AARS2: variants seen among roughly 807,000 people sequenced by gnomAD.
The protein encoded by AARS2 is alanyl-tRNA synthetase 2, mitochondrial, also known as alanine--tRNA ligase, mitochondrial.
In AARS2, 78 loss-of-function variants were observed where a neutral mutation model predicts 119.7. The ratio of observed to expected loss-of-function variants is 0.65; its 90% CI spans 0.54 to 0.79. The LOEUF (loss-of-function observed/expected upper bound fraction) is 0.79, where lower values mean the gene tolerates loss of function less well. Ranked by LOEUF, AARS2 falls within the 30% of genes least tolerant of loss-of-function variation. The pLI is 0.00. For missense variants in AARS2, 1,157 were observed against 1,291.3 expected (o/e 0.90, Z 1.59); for synonymous variants, 502 against 526.3 (o/e 0.95, Z 0.63).
chr6:44,304,629 T>C lies in AARS2; in HGVS notation c.1752+16A>G. ...GCCGCCCACAGAAATCAGCCTGGGT[T>C]GTGATGGAGACTCACCTCTTGCCCT... On this transcript the variant is annotated intron_variant, in intron 12 of 21. Transcript: ENST00000244571. The C allele has an allele frequency of 1.2e-6, 2 of 1,614,130 alleles. No homozygotes were observed. The highest frequency in any genetic ancestry group is 1.3e-5 in the African/African-American group (1 of 75,012).
chr6:44,309,912 C>T (rs1786200489), intron 5 of AARS2, among the ~76,000 whole-genome samples: 2 of 152,186 alleles, frequency 1.3e-5, no homozygotes, highest in Admixed American at 1.3e-4. Context: ...GTTACTTTCA[C>T]CCATGTTTAC....
At chr6:44,301,582 A>G in intron 19 of AARS2, 118 bp from the exon 20 acceptor site, 1 of 991,426 alleles carries the variant, frequency 1.0e-6, no homozygotes. Flanking sequence ...CCACCCCAAA[A>G]GTCATTAGCT....
In AARS2 at chr6:44,310,834, A is replaced by G. The variant is rs574493928; in HGVS notation, c.749+160T>C. On this transcript the variant is annotated intron_variant, in intron 4 of 21. Coordinates refer to ENST00000244571, the MANE Select transcript of AARS2 (RefSeq NM_020745.4). ...TAAGCTGTCACAGGCAAAGACTACA[A>G]TTAAATCAGTTATTATCTATAAGGT... 2.9e-4 allele frequency among the ~76,000 whole-genome samples: 44 copies of G among 152,360 alleles called. No individual in the cohort carries two copies. In the South Asian group the frequency reaches 7.5e-3, roughly 26 times the overall value.
At chr6:44,308,781 T>C (rs1037765247) in intron 5 of AARS2, among the ~76,000 whole-genome samples, 2 of 152,018 alleles carry the variant, frequency 1.3e-5, no homozygotes, top group Non-Finnish European at 2.9e-5. Flanking sequence ...TCTATTTTTT[T>C]AGTAGAGACA....
rs768351915 is a variant in AARS2, at chr6:44,302,059, C to A, written c.2598+1G>T. 1.9e-5 allele frequency: 30 copies of A among 1,613,922 alleles called. No individual in the cohort carries two copies. Among genetic ancestry groups the A allele is most frequent in the Non-Finnish European group, 2.4e-5 (28 of 1,179,996 alleles). On this transcript the variant is annotated splice_donor_variant, in intron 19 of 21. Coordinates refer to ENST00000244571, the MANE Select transcript of AARS2 (RefSeq NM_020745.4). LOFTEE classifies it high-confidence loss of function. ...ATGGGTGCAGCCAAACCTCCTCTCA[C>A]CTGTCCCATTTGCAGCTTACGGATG...
chr6:44,306,632 A>G, intron 7 of AARS2, 100 bp from the exon 8 acceptor site: 4 of 1,381,456 alleles, frequency 2.9e-6, no homozygotes, highest in East Asian at 2.3e-5. Context: ...CTGGAGGCTC[A>G]GACACATTGA....
intron 5 of AARS2, among the ~76,000 whole-genome samples, chr6:44,308,887 C>T (rs535930024): frequency 4.6e-5 from 7 of 152,292 alleles, no homozygotes; most frequent in African/African-American, 1.4e-4. Flanking sequence ...CAGGAGTGAG[C>T]CACCGTGCCC....
rs780343109 is a variant in AARS2, at chr6:44,301,193, GGCTGGGGGCTGAGTAGGAGCACAGACGT to G, written c.2728_2755del (p.Thr910ProfsTer58). On this transcript the variant is annotated frameshift_variant, in exon 21 of 22. Transcript: ENST00000244571. LOFTEE classifies it high-confidence loss of function. ...ACAGGCACACAGCACCTTCCCCATGGGCTGGGGGCTGAGTAGGAGCACAGACGTGCTGGGGGCCTGCTCACACAGCTGC... is the reference window on the plus strand; with the variant it reads ...ACAGGCACACAGCACCTTCCCCATGGGCTGGGGGCCTGCTCACACAGCTGC... 40 of 1,613,716 alleles carry G rather than the reference GGCTGGGGGCTGAGTAGGAGCACAGACGT, an allele frequency of 2.5e-5. No individual in the cohort carries two copies. In the Admixed American group the frequency reaches 4.8e-4, roughly 19 times the overall value.
In AARS2 at chr6:44,305,592, A is replaced by G; in HGVS notation, c.1434+61T>C. 2 of 1,606,164 alleles carry G rather than the reference A, an allele frequency of 1.2e-6. No individual in the cohort carries two copies. The highest frequency in any genetic ancestry group is 8.5e-7 in the Non-Finnish European group (1 of 1,174,726). ...CAATATTCACAGCTCCTCCCCCAGG[A>G]GCTCAGGGCTGGGGAAGAGGTGTCC... On this transcript the variant is annotated intron_variant, in intron 10 of 21. Transcript: ENST00000244571. The surrounding 1 kb of genome is among the most constrained non-coding windows in gnomAD (Gnocchi z 4.6).
intron 7 of AARS2, 89 bp from the exon 8 acceptor site, chr6:44,306,621 C>CTTGTGAGGGGAGT: frequency 3.4e-6 from 5 of 1,463,258 alleles, no homozygotes; most frequent in Non-Finnish European, 4.8e-6. Flanking sequence ...GGACACCTGC[C>CTTGTGAGGGGAGT]CTGGAGGCTC....
At chr6:44,304,136 T>C (rs78610788) in intron 14 of AARS2, 45 bp downstream of exon 14, 1 of 1,611,146 alleles carries the variant, frequency 6.2e-7, no homozygotes, top group Non-Finnish European at 8.5e-7. Flanking sequence ...CTCTCTTTTA[T>C]GCCTGTCACC....
intron 2 of AARS2, 40 bp from the exon 3 acceptor site, chr6:44,311,575 G>A (rs763191079): frequency 2.5e-6 from 4 of 1,610,274 alleles, no homozygotes; most frequent in Non-Finnish European, 3.4e-6. Context: ...GGGAAGACGG[G>A]TGAGAGGGAG....
chr6:44,311,539 C>A lies in AARS2; in HGVS notation c.436-4G>T, dbSNP rs750609705. 3.2e-5 allele frequency: 52 copies of A among 1,612,092 alleles called. No individual in the cohort carries two copies. The Middle Eastern group carries it at 5.0e-4, about 16-fold the overall frequency. Reference sequence around the variant, plus strand: ...AGGCCATGTTACAAGCCTCCTCCTGCAGCAGAAACCAGCATGGGGTGGGGG... The same window carrying A: ...AGGCCATGTTACAAGCCTCCTCCTGAAGCAGAAACCAGCATGGGGTGGGGG... On this transcript the variant is annotated splice_region_variant and splice_polypyrimidine_tract_variant and intron_variant, in intron 2 of 21. Coordinates refer to ENST00000244571, the MANE Select transcript of AARS2 (RefSeq NM_020745.4).
intron 21 of AARS2, 139 bp from the exon 22 acceptor site, chr6:44,300,850 G>A (rs1785294103): frequency 1.8e-6 from 2 of 1,138,782 alleles, no homozygotes; most frequent in African/African-American, 3.1e-5. Context: ...GTCAGGTGAT[G>A]AGCCGGAGAA....
In AARS2 at chr6:44,304,298, C is replaced by A; in HGVS notation, c.1890G>T (p.Ala630=). ...VDEAWRLGCM[A]KHTATHLLNW... ...TCAGCAGGTGGGTGGCCGTATGCTT[C>A]GCCATGCAGCCTAGACGCCAGGCCT... is the stretch of plus-strand genomic sequence containing the variant. Residue 630 remains alanine (A), a synonymous_variant, in exon 14 of 22, where the codon GCG becomes GCT. Coordinates refer to ENST00000244571, the MANE Select transcript of AARS2 (RefSeq NM_020745.4). 1 of 1,614,206 alleles carries A rather than the reference C, an allele frequency of 6.2e-7. No homozygotes were observed. The highest frequency in any genetic ancestry group is 8.5e-7 in the Non-Finnish European group (1 of 1,180,036).
chr6:44,303,211 A>G (rs1561938173), intron 15 of AARS2, 36 bp from the exon 16 acceptor site: 1 of 1,614,022 alleles, frequency 6.2e-7, no homozygotes, highest in South Asian at 1.1e-5. Context: ...TTAACTGCCA[A>G]AGGAGAAGGA....
In AARS2 at chr6:44,307,583, T is replaced by C. The variant is rs1785975501; in HGVS notation, c.895-189A>G. ...AGGCCCTGCCCTCACGGGGCTCATA[T>C]TTGGTGCTACAAGTGAACATATCTG... On this transcript the variant is annotated intron_variant, in intron 5 of 21. Transcript: ENST00000244571. This position sits in a 1 kb window ranked among gnomAD's most constrained non-coding sequence, Gnocchi z 4.4. 1.5e-6 allele frequency: 1 copy of C among 685,650 alleles called. No individual in the cohort carries two copies. 42.5% of individuals were successfully genotyped at this position (685,650 alleles called of 1,614,324 possible).
intron 19 of AARS2, among the ~76,000 whole-genome samples, chr6:44,301,859 T>C (rs980428855): frequency 4.0e-5 from 6 of 151,430 alleles, no homozygotes; most frequent in African/African-American, 1.2e-4. Context: ...GACTTGGGAG[T>C]TGGGGGAGAA....
chr6:44,305,612 G>A lies in AARS2; in HGVS notation c.1434+41C>T, dbSNP rs1785776876. The A allele has an allele frequency of 1.2e-6, 2 of 1,612,712 alleles. No homozygotes were observed. Among genetic ancestry groups the A allele is most frequent in the Non-Finnish European group, 1.7e-6 (2 of 1,179,852 alleles). ...CCAGGAGCTCAGGGCTGGGGAAGAG[G>A]TGTCCTAACAGAACCCAGCATGGGG... On this transcript the variant is annotated intron_variant, in intron 10 of 21. Coordinates refer to ENST00000244571, the MANE Select transcript of AARS2 (RefSeq NM_020745.4). This position sits in a 1 kb window ranked among gnomAD's most constrained non-coding sequence, Gnocchi z 4.6.
Sources: allele counts gnomAD v4.1 joint callset (sites outside exome capture counted in the v4.1 genomes callset), GRCh38; gene constraint gnomAD v4.1.1; non-coding constraint Gnocchi (gnomAD v3.1); transcripts MANE v1.5; gene names NCBI Gene and HGNC (gene_info 2026-07-23, HGNC 2026-07-21).